Variants in TM7SF3 observed in about 807,000 individuals in gnomAD.
The protein encoded by TM7SF3 is transmembrane 7 superfamily member 3, also known as seven span transmembrane protein.
A neutral mutation model predicts 65.5 loss-of-function variants in TM7SF3; 60 were observed. The ratio of observed to expected loss-of-function variants is 0.92; its 90% CI spans 0.74 to 1.14. TM7SF3 has a LOEUF of 1.14. Among genes scored for constraint, TM7SF3 ranks in the 50% most tolerant of loss-of-function variants. The pLI, the probability that TM7SF3 is intolerant of heterozygous loss-of-function variation, is 0.00. For missense variants in TM7SF3, 623 were observed against 684.8 expected, an observed-to-expected ratio of 0.91 and a Z score of 1.01; for synonymous variants, 264 against 259.6, an observed-to-expected ratio of 1.02 and a Z score of -0.16.
chr12:26,979,855 G>C lies in TM7SF3; in HGVS notation c.1118C>G (p.Ser373Trp). ...VAVWWRFGIL[S>W]ICMLCVGLVL... ...TAGTCCAACACAGAGCATGCAGATC[G>C]AGAGGATTCCAAATCGCCACCACAC... is the stretch of plus-strand genomic sequence containing the variant. The change falls in exon 9 of 12, where the codon TCG becomes TGG. Residue 373 changes from serine (S) to tryptophan (W), a missense_variant. Ser to Trp is a radical substitution (Grantham distance 177, BLOSUM62 -3). Coordinates refer to ENST00000343028, the MANE Select transcript of TM7SF3 (RefSeq NM_016551.3). 1 of 1,614,170 alleles carries C rather than the reference G, an allele frequency of 6.2e-7. No homozygotes were observed. The highest frequency in any genetic ancestry group is 1.3e-5 in the African/African-American group (1 of 75,058).
At chr12:26,988,459 C>T (rs1184562383) in intron 6 of TM7SF3, among the ~76,000 whole-genome samples, 2 of 152,094 alleles carry the variant, frequency 1.3e-5, no homozygotes, top group Non-Finnish European at 2.9e-5. Context: ...ACACTGCACC[C>T]AGCCAAAAAT....
rs374277235 is a variant in TM7SF3 at position 26,995,496 on chromosome 12, C to T, written c.519-88G>A. ...GAACCAAGAGCCCTAATTTCAAACA[C>T]TTGCAACAATAATTACAATTTAACA... On this transcript the variant is annotated intron_variant, in intron 4 of 11. Coordinates refer to ENST00000343028, the MANE Select transcript of TM7SF3 (RefSeq NM_016551.3). 47 of 1,334,662 alleles carry T rather than the reference C, an allele frequency of 3.5e-5. No individual in the cohort carries two copies. The African/African-American group carries it at 6.4e-4, about 18-fold the overall frequency. 82.7% of individuals were successfully genotyped at this position (1,334,662 alleles called of 1,614,324 possible).
At position 26,990,625 on chromosome 12, in the gene TM7SF3, C is replaced by T. The variant is rs965820979; in HGVS notation, c.693G>A (p.Val231=). Residue 231 remains valine, a splice_region_variant and synonymous_variant, in exon 6 of 12, where the codon GTG becomes GTA. Coordinates refer to ENST00000343028, the MANE Select transcript of TM7SF3 (RefSeq NM_016551.3). ...TCTTATCATTAGCTGTTAGGGTAACCACCTGAAGCCAAAAATAACACATGA... is the reference window on the plus strand; with the variant it reads ...TCTTATCATTAGCTGTTAGGGTAACTACCTGAAGCCAAAAATAACACATGA... ...VPQVKASALK[V]VTLTANDKTS... is the part of the protein sequence containing the mutation. 6.2e-7 allele frequency: 1 copy of T among 1,611,554 alleles called. No individual in the cohort carries two copies. The highest frequency in any genetic ancestry group is 1.3e-5 in the African/African-American group (1 of 74,848).
intron 1 of TM7SF3, among the ~76,000 whole-genome samples, chr12:27,010,377 C>T (rs557718606): frequency 6.6e-6 from 1 of 152,310 alleles, no homozygotes; most frequent in South Asian, 2.1e-4. Context: ...ACAGGGCATT[C>T]ACAGAAATTC....
chr12:27,010,355 GAACT>G (rs1279267385), intron 1 of TM7SF3, among the ~76,000 whole-genome samples: 2 of 152,200 alleles, frequency 1.3e-5, no homozygotes, highest in African/African-American at 4.8e-5. Context: ...GGGAAGAAAG[GAACT>G]AACATGTACA....
chr12:27,002,736 T>C (rs139485829), intron 2 of TM7SF3, among the ~76,000 whole-genome samples: 1 of 152,348 alleles, frequency 6.6e-6, no homozygotes, highest in Non-Finnish European at 1.5e-5. Flanking sequence ...GAGTCCTTAA[T>C]ACTGCTGGAG....
intron 1 of TM7SF3, among the ~76,000 whole-genome samples, chr12:27,009,434 T>C (rs1009754154): frequency 2.0e-5 from 3 of 151,922 alleles, no homozygotes; most frequent in Non-Finnish European, 4.4e-5. Flanking sequence ...TCTCAATTTA[T>C]CTAAAGAATG....
chr12:26,983,746 T>G (rs1396604607), intron 6 of TM7SF3: 1 of 276,634 alleles, frequency 3.6e-6, no homozygotes, highest in South Asian at 3.6e-5. Flanking sequence ...TATTATAATA[T>G]TTATTACACA....
In TM7SF3 at chr12:26,974,187, A is replaced by T; in HGVS notation, c.1491T>A (p.Ser497Arg). 6.2e-7 allele frequency: 1 copy of T among 1,614,186 alleles called. No homozygotes were observed. Among genetic ancestry groups the T allele is most frequent in the East Asian group, 2.2e-5 (1 of 44,888 alleles). The change falls in exon 12 of 12, where the codon AGT (serine) becomes AGA (arginine). Residue 497 changes from serine (S) to arginine (R), a missense_variant. By Grantham distance (110) the Ser-to-Arg change is moderately radical. Coordinates refer to ENST00000343028, the MANE Select transcript of TM7SF3 (RefSeq NM_016551.3). ...ILAVWGMLAVSGITLQIRRER... is the reference protein window; with the variant it reads ...ILAVWGMLAVRGITLQIRRER... ...CTCTTCGAATCTGTAACGTAATTCCACTTACAGCCAGCATGCCCCATACTG... is the reference window on the plus strand; with the variant it reads ...CTCTTCGAATCTGTAACGTAATTCCTCTTACAGCCAGCATGCCCCATACTG...
chr12:26,976,763 T>C (rs1028179639), intron 9 of TM7SF3, among the ~76,000 whole-genome samples: 3 of 152,106 alleles, frequency 2.0e-5, no homozygotes, highest in Non-Finnish European at 4.4e-5. Context: ...TACTGCAAAA[T>C]AAAAAATACA....
intron 8 of TM7SF3, 96 bp downstream of exon 8, chr12:26,980,468 TCA>T: frequency 1.4e-6 from 1 of 712,556 alleles, no homozygotes; most frequent in East Asian, 2.6e-5. Flanking sequence ...TAATAGGCTG[TCA>T]CACACAATAT....
intron 2 of TM7SF3, among the ~76,000 whole-genome samples, chr12:27,001,802 G>A (rs1940841148): frequency 6.6e-6 from 1 of 152,132 alleles, no homozygotes; most frequent in Non-Finnish European, 1.5e-5. Context: ...GCTGTCTTTT[G>A]AATTCAGTGC....
At chr12:26,977,350 C>G (rs1939611441) in intron 9 of TM7SF3, among the ~76,000 whole-genome samples, 2 of 152,216 alleles carry the variant, frequency 1.3e-5, no homozygotes, top group African/African-American at 4.8e-5. Context: ...GAAGAACGGA[C>G]CCTTTCAGAG....
Position 26,974,106 on chromosome 12 carries a change from T to G in TM7SF3, c.1572A>C (p.Arg524Ser). 1.2e-6 allele frequency: 2 copies of G among 1,614,202 alleles called. No homozygotes were observed. Among genetic ancestry groups the G allele is most frequent in the Middle Eastern group, 1.6e-4 (1 of 6,062 alleles). The change falls in exon 12 of 12, where the codon AGA (arginine) becomes AGC (serine). Residue 524 changes from arginine (R) to serine (S), a missense_variant. By Grantham distance (110) the Arg-to-Ser change is moderately radical. Transcript: ENST00000343028. ...CCAGAATGTTTGTCACTCGGCGCTC[T>G]CTCTCTTGCTTCCATAACTTGTATG... ...PHPYKLWKQERERRVTNILDP... is the reference protein window; with the variant it reads ...PHPYKLWKQESERRVTNILDP...
intron 9 of TM7SF3, 64 bp from the exon 10 acceptor site, chr12:26,976,421 G>T: frequency 1.9e-6 from 2 of 1,033,340 alleles, no homozygotes; most frequent in South Asian, 1.3e-5. Flanking sequence ...TGGTTTCTTG[G>T]AACATCTGAA....
At chr12:27,013,319 CT>C (rs1174261547) in intron 1 of TM7SF3, among the ~76,000 whole-genome samples, 6 of 152,082 alleles carry the variant, frequency 3.9e-5, no homozygotes, top group African/African-American at 1.4e-4. Flanking sequence ...GTCCATTTGT[CT>C]TTTTTAAGGT....
rs758310357 is a variant in TM7SF3 at position 26,972,697 on chromosome 12, G to T, written c.*1268C>A. ...ACTCCTGACCCCAGGTGATCCACCC[G>T]CCTCGACCTCCCAAAATGCTGGGAT... On this transcript the variant is annotated 3_prime_UTR_variant, in exon 12 of 12. Coordinates refer to ENST00000343028, the MANE Select transcript of TM7SF3 (RefSeq NM_016551.3). 5.9e-5 allele frequency among the ~76,000 whole-genome samples: 9 copies of T among 151,852 alleles called. No individual in the cohort carries two copies. The highest frequency in any genetic ancestry group is 1.2e-4 in the Non-Finnish European group (8 of 67,936).
chr12:26,975,463 T>C (rs775084214), intron 11 of TM7SF3, 33 bp downstream of exon 11: 110 of 1,612,752 alleles, frequency 6.8e-5, no homozygotes, highest in Non-Finnish European at 9.3e-5. Flanking sequence ...CCTACTGTGC[T>C]GTCACACTGG....
Position 27,014,296 on chromosome 12 carries a change from A to C in TM7SF3, c.-128T>G. On this transcript the variant is annotated 5_prime_UTR_variant, in exon 1 of 12. Coordinates refer to ENST00000343028, the MANE Select transcript of TM7SF3 (RefSeq NM_016551.3). The stretch of plus-strand genomic sequence containing the variant: ...TCGGGCGCCATCGCCCGCCAGGTGC[A>C]GACGCTTCGCACCTGCCAGCTCCGC... 1 of 732,808 alleles carries C rather than the reference A, an allele frequency of 1.4e-6. No individual in the cohort carries two copies. The highest frequency in any genetic ancestry group is 2.0e-6 in the Non-Finnish European group (1 of 491,988). The allele number at this position is 732,808 out of a possible 1,614,324, so 45.4% of individuals were successfully genotyped here. A position where few individuals can be genotyped will look rare whatever the true frequency, so the allele number is the denominator to read the frequency against.
Sources: gnomAD v4.1 joint callset for allele counts (sites outside exome capture counted in the v4.1 genomes callset) on GRCh38, gnomAD v4.1.1 for gene constraint, MANE v1.5 for transcripts, NCBI Gene and HGNC (gene_info 2026-07-23, HGNC 2026-07-21) for gene names.